The following DYM variants were observed in gnomAD, a reference collection of about 807,000 sequenced individuals.
DYM encodes dymeclin.
In DYM, 78 loss-of-function variants were observed where a neutral mutation model predicts 93.1. The ratio of observed to expected loss-of-function variants is 0.84; its 90% CI spans 0.70 to 1.01. The LOEUF (loss-of-function observed/expected upper bound fraction) is 1.01, where lower values mean the gene tolerates loss of function less well. Among genes scored for constraint, DYM ranks in the 50% least tolerant of loss-of-function variants. The pLI is 0.00. For missense variants in DYM, 789 were observed against 845.0 expected, an observed-to-expected ratio of 0.93 and a Z score of 0.82; for synonymous variants, 321 against 319.7, an observed-to-expected ratio of 1.00 and a Z score of -0.04.
At chr18:49,414,352 A>T (rs2072656743) in intron 2 of DYM, among the ~76,000 whole-genome samples, 1 of 152,226 alleles carries the variant, frequency 6.6e-6, no homozygotes, top group African/African-American at 2.4e-5. Context: ...AATTTAAAAA[A>T]TGGTTGAAAA....
At chr18:49,065,195 A>C (rs895248133) in intron 17 of DYM, among the ~76,000 whole-genome samples, 1 of 152,188 alleles carries the variant, frequency 6.6e-6, no homozygotes, top group Admixed American at 6.5e-5. Flanking sequence ...AAATACCCAC[A>C]GAAGGCTTGG....
intron 16 of DYM, among the ~76,000 whole-genome samples, chr18:49,098,237 T>C (rs1474466042): frequency 1.3e-5 from 2 of 152,204 alleles, no homozygotes; most frequent in Admixed American, 6.5e-5. Flanking sequence ...GAGAATAACA[T>C]TTAGGTGTTT....
intron 5 of DYM, among the ~76,000 whole-genome samples, chr18:49,374,562 T>A (rs1166115439): frequency 2.0e-5 from 3 of 152,176 alleles, no homozygotes; most frequent in Non-Finnish European, 4.4e-5. Context: ...TTTGGTGAAA[T>A]GACAAATGCT....
intron 13 of DYM, among the ~76,000 whole-genome samples, chr18:49,210,558 A>G (rs908232794): frequency 1.2e-4 from 18 of 152,230 alleles, no homozygotes; most frequent in Non-Finnish European, 2.4e-4. Context: ...GGAGAGAGGG[A>G]TGAATATACA....
rs2070763230 is a variant in DYM, at chr18:49,037,881, G to A, written c.*6174C>T. On this transcript the variant is annotated 3_prime_UTR_variant, in exon 18 of 18. Coordinates refer to ENST00000675505, the MANE Select transcript of DYM (RefSeq NM_001353214.3). ...GCTCTGTCACCCAAGCTGGAGTGCA[G>A]TAGTGCAATTATAGCTCACTGCAGC... is the stretch of plus-strand genomic sequence containing the variant. 6.6e-6 allele frequency among the ~76,000 whole-genome samples: 1 copy of A among 152,194 alleles called. No homozygotes were observed. Among genetic ancestry groups the A allele is most frequent in the South Asian group, 2.1e-4 (1 of 4,830 alleles).
At chr18:49,081,607 ACT>A (rs2078046615) in intron 17 of DYM, among the ~76,000 whole-genome samples, 1 of 149,804 alleles carries the variant, frequency 6.7e-6, no homozygotes. Flanking sequence ...AGAACTGAAA[ACT>A]CTGTATTTTG....
At chr18:49,439,068 C>A (rs185767396) in intron 1 of DYM, among the ~76,000 whole-genome samples, 101 of 152,304 alleles carry the variant, frequency 6.6e-4, no homozygotes, top group African/African-American at 2.0e-3. Flanking sequence ...GATCCCATCT[C>A]CTGGCTTTTC....
At chr18:49,434,362 A>T (rs2080624025) in intron 1 of DYM, among the ~76,000 whole-genome samples, 1 of 139,082 alleles carries the variant, frequency 7.2e-6, no homozygotes, top group Non-Finnish European at 1.6e-5. Context: ...AAAAAAAAAA[A>T]TACAAAAATT....
At position 49,163,696 on chromosome 18, in the gene DYM, G is replaced by C. The variant is rs145279594; in HGVS notation, c.1717C>G (p.Leu573Val). ...RGSLSSNDVP[L>V]PDYAQDLNVI... ...AGGTAACTACTTACATAATCTGGTA[G>C]AGGAACATCATTAGAACTCAGCGAA... The change falls in exon 15 of 18, where the codon CTA becomes GTA. Residue 573 changes from leucine to valine, a missense_variant. Leu to Val is a conservative substitution (Grantham distance 32). This residue lies in a region of DYM where 225 missense variants were observed against 303.0 expected (regional missense o/e 0.74). Transcript: ENST00000675505. 6.2e-7 allele frequency: 1 copy of C among 1,610,376 alleles called. No homozygotes were observed. Among genetic ancestry groups the C allele is most frequent in the East Asian group, 2.2e-5 (1 of 44,738 alleles).
At chr18:49,259,913 T>A (rs2094463246) in intron 11 of DYM, among the ~76,000 whole-genome samples, 1 of 152,084 alleles carries the variant, frequency 6.6e-6, no homozygotes, top group Admixed American at 6.5e-5. Flanking sequence ...AATAAATAAA[T>A]AATAAACTGT....
chr18:49,232,941 T>G (rs962069998), intron 13 of DYM, among the ~76,000 whole-genome samples: 1 of 152,134 alleles, frequency 6.6e-6, no homozygotes, highest in Admixed American at 6.5e-5. Flanking sequence ...AAAGTGTACT[T>G]TCACACTCCC....
At chr18:49,317,045 A>G (rs1057360516) in intron 8 of DYM, among the ~76,000 whole-genome samples, 1 of 152,220 alleles carries the variant, frequency 6.6e-6, no homozygotes, top group Admixed American at 6.5e-5. Context: ...AATAAACCCT[A>G]AACTATGGAC....
At chr18:49,422,659 G>A (rs185700176) in intron 2 of DYM, among the ~76,000 whole-genome samples, 69 of 152,218 alleles carry the variant, frequency 4.5e-4, no homozygotes, top group African/African-American at 1.3e-3. Flanking sequence ...CCCATCTCAC[G>A]TGCAGAGACA....
intron 13 of DYM, among the ~76,000 whole-genome samples, chr18:49,216,654 G>A (rs1461163079): frequency 6.6e-6 from 1 of 152,140 alleles, no homozygotes; most frequent in Non-Finnish European, 1.5e-5. Flanking sequence ...GGTCTGGAGT[G>A]GACCTCTAGC....
At chr18:49,347,989 G>A (rs1260717698) in intron 6 of DYM, among the ~76,000 whole-genome samples, 1 of 152,180 alleles carries the variant, frequency 6.6e-6, no homozygotes, top group African/African-American at 2.4e-5. Flanking sequence ...AAATGTCCTA[G>A]AACAAACCAC....
intron 8 of DYM, among the ~76,000 whole-genome samples, chr18:49,296,818 C>G (rs375544686): frequency 1.1e-4 from 16 of 152,222 alleles, no homozygotes; most frequent in East Asian, 7.7e-4. Context: ...CTATTCTTTC[C>G]TCTCTTCTCT....
intron 13 of DYM, among the ~76,000 whole-genome samples, chr18:49,226,278 A>T (rs561841836): frequency 6.6e-5 from 10 of 152,288 alleles, no homozygotes; most frequent in African/African-American, 2.4e-4. Context: ...TTACAGGTGT[A>T]GATAAACAGA....
intron 17 of DYM, among the ~76,000 whole-genome samples, chr18:49,095,984 T>G (rs953911945): frequency 5.3e-5 from 8 of 152,192 alleles, no homozygotes; most frequent in African/African-American, 1.2e-4. Context: ...TTAATCTTCA[T>G]AGATTTTTTT....
intron 16 of DYM, chr18:49,116,327 T>C (rs757513044): frequency 2.6e-5 from 4 of 152,166 alleles, no homozygotes; most frequent in Non-Finnish European, 5.9e-5. Context: ...CCAAGGCCAA[T>C]TTCTCATGTA....
Sources: allele counts gnomAD v4.1 joint callset (sites outside exome capture counted in the v4.1 genomes callset), GRCh38; gene constraint gnomAD v4.1.1; regional missense constraint gnomAD v4.1.1; transcripts MANE v1.5; gene names NCBI Gene and HGNC (gene_info 2026-07-23, HGNC 2026-07-21).